Variants in SLC17A6 observed in about 807,000 individuals in gnomAD.
SLC17A6 encodes the protein vesicular glutamate transporter 2.
SLC17A6 carries 35 observed loss-of-function variants against 67.1 expected under a neutral mutation model. The observed-to-expected ratio is 0.52, with a 90% CI of 0.40 to 0.69. SLC17A6 has a LOEUF of 0.69. SLC17A6 is among the 30% of genes least tolerant of loss of function. The pLI is 0.00. For missense variants in SLC17A6, 588 were observed against 723.9 expected, an observed-to-expected ratio of 0.81 and a Z score of 2.15; for synonymous variants, 285 against 252.3, an observed-to-expected ratio of 1.13 and a Z score of -1.23.
chr11:22,360,532 C>CG (rs1856041351), intron 4 of SLC17A6, among the ~76,000 whole-genome samples: 1 of 139,332 alleles, frequency 7.2e-6, no homozygotes, highest in South Asian at 2.6e-4. Flanking sequence ...TCCTTCCCCC[C>CG]CCCCCAAAAA....
intron 3 of SLC17A6, among the ~76,000 whole-genome samples, chr11:22,343,581 C>T (rs1855843819): frequency 6.6e-6 from 1 of 152,148 alleles, no homozygotes; most frequent in South Asian, 2.1e-4. Context: ...GACCAGCGCA[C>T]GCGGCCTCCT....
intron 8 of SLC17A6, among the ~76,000 whole-genome samples, chr11:22,373,771 A>G (rs1283407871): frequency 6.6e-6 from 1 of 152,184 alleles, no homozygotes; most frequent in East Asian, 1.9e-4. Flanking sequence ...TATAGCCTGA[A>G]CAGTTAACCT....
At chr11:22,360,655 A>G (rs1214351704) in intron 4 of SLC17A6, among the ~76,000 whole-genome samples, 2 of 151,972 alleles carry the variant, frequency 1.3e-5, no homozygotes, top group African/African-American at 4.8e-5. Context: ...TTTTCTCTGT[A>G]TAGATATTTA....
intron 1 of SLC17A6, among the ~76,000 whole-genome samples, chr11:22,340,968 C>CATCGTCA (rs1267298863): frequency 6.6e-6 from 1 of 152,188 alleles, no homozygotes; most frequent in Non-Finnish European, 1.5e-5. Context: ...GGAATACCAG[C>CATCGTCA]ATCGTCAACC....
At chr11:22,370,952 T>C (rs1394111070) in intron 8 of SLC17A6, among the ~76,000 whole-genome samples, 1 of 152,100 alleles carries the variant, frequency 6.6e-6, no homozygotes, top group Non-Finnish European at 1.5e-5. Context: ...ACTACTCTCA[T>C]ATTCATGAAC....
At chr11:22,354,626 T>C (rs1268201538) in intron 3 of SLC17A6, among the ~76,000 whole-genome samples, 1 of 152,224 alleles carries the variant, frequency 6.6e-6, no homozygotes, top group Admixed American at 6.5e-5. Flanking sequence ...TATATTGCTG[T>C]TGGCATTGTT....
chr11:22,350,811 A>G (rs1855929352), intron 3 of SLC17A6, among the ~76,000 whole-genome samples: 1 of 152,116 alleles, frequency 6.6e-6, no homozygotes, highest in Admixed American at 6.6e-5. Context: ...TCATCTTACT[A>G]TTTAGAACTT....
At chr11:22,376,132 G>T in intron 10 of SLC17A6, 40 bp downstream of exon 10, 1 of 1,374,940 alleles carries the variant, frequency 7.3e-7, no homozygotes, top group South Asian at 1.2e-5. Flanking sequence ...GGGACATTCT[G>T]ATTTTGACTG....
At chr11:22,349,465 G>C (rs1855913701) in intron 3 of SLC17A6, among the ~76,000 whole-genome samples, 1 of 152,070 alleles carries the variant, frequency 6.6e-6, no homozygotes, top group South Asian at 2.1e-4. Flanking sequence ...AGGAGGGAGG[G>C]GTCTCCAAGG....
chr11:22,375,928 C>T, intron 9 of SLC17A6, 54 bp from the exon 10 acceptor site: 1 of 1,304,728 alleles, frequency 7.7e-7, no homozygotes, highest in South Asian at 1.4e-5. Context: ...AGTTTTGGCT[C>T]ATTGGTAAAA....
At chr11:22,359,113 T>C (rs1048362581) in intron 3 of SLC17A6, among the ~76,000 whole-genome samples, 7 of 152,316 alleles carry the variant, frequency 4.6e-5, no homozygotes, top group Non-Finnish European at 1.0e-4. Flanking sequence ...AAAACATATA[T>C]TGATTTATTA....
intron 8 of SLC17A6, among the ~76,000 whole-genome samples, chr11:22,371,972 G>A (rs558219553): frequency 7.2e-5 from 11 of 152,008 alleles, no homozygotes; most frequent in East Asian, 3.9e-4. Flanking sequence ...CTTGGGCAGC[G>A]TTTTGAATAA....
chr11:22,372,113 T>A (rs1052039603), intron 8 of SLC17A6, among the ~76,000 whole-genome samples: 39 of 152,032 alleles, frequency 2.6e-4, no homozygotes, highest in Non-Finnish European at 4.4e-5. Flanking sequence ...AGGGTCATTC[T>A]CTGCAACTTT....
At chr11:22,376,793 T>G in intron 11 of SLC17A6, 121 bp downstream of exon 11, 1 of 978,138 alleles carries the variant, frequency 1.0e-6, no homozygotes, top group Non-Finnish European at 1.5e-6. Context: ...ACCACATCTC[T>G]GAGTGGGAAA....
chr11:22,363,988 T>G (rs562643791), intron 6 of SLC17A6, among the ~76,000 whole-genome samples: 1 of 152,262 alleles, frequency 6.6e-6, no homozygotes, highest in East Asian at 1.9e-4. Context: ...AAAGTAAGAA[T>G]ACAAATTTAA....
intron 1 of SLC17A6, among the ~76,000 whole-genome samples, chr11:22,341,004 G>C (rs1000876245): frequency 3.3e-5 from 5 of 152,302 alleles, no homozygotes; most frequent in Middle Eastern, 3.4e-3. Context: ...TGCTAGAAAC[G>C]GAAAAGGCAG....
rs1403247246 is a variant in SLC17A6 at position 22,362,829 on chromosome 11, T to C, written c.748+4T>C. 3 of 1,611,532 alleles carry C rather than the reference T, an allele frequency of 1.9e-6. No individual in the cohort carries two copies. Among genetic ancestry groups the C allele is most frequent in the South Asian group, 2.2e-5 (2 of 91,028 alleles). Reference sequence around the variant, plus strand: ...TCTTCAGTGTTTTATGTCTACGGTATGTTATATTTCTATGCAATAGAGTTA... The same window carrying C: ...TCTTCAGTGTTTTATGTCTACGGTACGTTATATTTCTATGCAATAGAGTTA... On this transcript the variant is annotated splice_donor_region_variant and intron_variant, in intron 6 of 11. Coordinates refer to ENST00000263160, the MANE Select transcript of SLC17A6 (RefSeq NM_020346.3).
intron 5 of SLC17A6, chr11:22,362,266 A>T (rs995496531): frequency 1.1e-4 from 51 of 458,042 alleles, no homozygotes; most frequent in Admixed American, 2.8e-5. Flanking sequence ...ATATGCCTTC[A>T]ATCATGGATA....
chr11:22,339,078 T>TA lies in SLC17A6; in HGVS notation c.86+459_86+460insA, dbSNP rs1433813431. ...GTAATGGTTTATATATATATATATGTTATATATATATGTTATATATATATG... is the reference window on the plus strand; with the variant it reads ...GTAATGGTTTATATATATATATATGTATATATATATATGTTATATATATATG... On this transcript the variant is annotated intron_variant, in intron 1 of 11. Transcript: ENST00000263160. 1.8e-3 allele frequency among the ~76,000 whole-genome samples: 147 copies of TA among 83,838 alleles called. 1 individual carries two copies. The highest frequency in any genetic ancestry group is 2.9e-3 in the Non-Finnish European group (108 of 37,718). The allele number at this position is 83,838 out of a possible 152,430, so 55.0% of individuals were successfully genotyped here.
Sources: allele counts gnomAD v4.1 joint callset (sites outside exome capture counted in the v4.1 genomes callset), GRCh38; gene constraint gnomAD v4.1.1; transcripts MANE v1.5; gene names NCBI Gene and HGNC (gene_info 2026-07-23, HGNC 2026-07-21).